The following DENND2A variants were observed in gnomAD, a reference collection of about 807,000 sequenced individuals.
DENND2A encodes the protein DENN domain-containing protein 2A.
Under a neutral mutation model 105.3 loss-of-function variants are expected in DENND2A, and 53 were observed. The ratio of observed to expected loss-of-function variants is 0.50; its 90% confidence interval spans 0.40 to 0.63. The LOEUF (loss-of-function observed/expected upper bound fraction) is 0.63, where lower values mean the gene tolerates loss of function less well. Among genes scored for constraint, DENND2A ranks in the 30% least tolerant of loss-of-function variants. The probability of loss-of-function intolerance (pLI) is 0.00; values close to 1 mark genes in which losing one functional copy is unlikely to be tolerated. For synonymous variants in DENND2A, 522 were observed against 508.4 expected, an observed-to-expected ratio of 1.03 and a Z score of -0.36; for missense variants, 1,138 against 1,279.6, an observed-to-expected ratio of 0.89 and a Z score of 1.69.
chr7:140,580,333 GTATT>G (rs1364255707), intron 5 of DENND2A, among the ~76,000 whole-genome samples: 5 of 152,178 alleles, frequency 3.3e-5, no homozygotes, highest in Admixed American at 2.0e-4. Context: ...ATGTATGTAT[GTATT>G]TATTTATTTT....
chr7:140,640,673 A>T lies in DENND2A; in HGVS notation c.-417T>A, dbSNP rs1156537460. 6.7e-6 allele frequency: 1 copy of T among 148,338 alleles called. No individual in the cohort carries two copies. Among genetic ancestry groups the T allele is most frequent in the Non-Finnish European group, 1.5e-5 (1 of 66,494 alleles). The allele number at this position is 148,338 out of a possible 1,614,324, so 9.2% of individuals were successfully genotyped here. On this transcript the variant is annotated 5_prime_UTR_variant, in exon 1 of 20. It adds an upstream start codon to the 5' untranslated region. Transcript: ENST00000496613. This position sits in a 1 kb window ranked among gnomAD's most constrained non-coding sequence, Gnocchi z 4.9. ...GCCGAGCCTCCCCCGGCCGCCCGCAAGCCCCTGGGGGTCCCCGCCGCGCGC... is the reference window on the plus strand; with the variant it reads ...GCCGAGCCTCCCCCGGCCGCCCGCATGCCCCTGGGGGTCCCCGCCGCGCGC...
At chr7:140,535,950 A>T (rs1796440909) in intron 14 of DENND2A, among the ~76,000 whole-genome samples, 1 of 152,202 alleles carries the variant, frequency 6.6e-6, no homozygotes, top group South Asian at 2.1e-4. Context: ...AGCTGGAAAC[A>T]GGAGCTTTTG....
chr7:140,574,490 A>G (rs1798222773), intron 5 of DENND2A, among the ~76,000 whole-genome samples: 1 of 152,032 alleles, frequency 6.6e-6, no homozygotes, highest in Non-Finnish European at 1.5e-5. Flanking sequence ...AAGTGCTAGG[A>G]TTACAGGCAT....
intron 9 of DENND2A, among the ~76,000 whole-genome samples, chr7:140,562,590 A>G (rs1234505803): frequency 6.6e-6 from 1 of 152,094 alleles, no homozygotes; most frequent in Non-Finnish European, 1.5e-5. Context: ...TGAATCCGGG[A>G]GGCAGAGCTT....
intron 14 of DENND2A, 186 bp downstream of exon 14, chr7:140,544,432 T>A: frequency 1.4e-6 from 1 of 716,766 alleles, no homozygotes; most frequent in Admixed American, 2.2e-5. Flanking sequence ...TGGTCTCAAG[T>A]GATCCACCCA....
intron 14 of DENND2A, chr7:140,544,077 A>T (rs938058723): frequency 2.2e-5 from 4 of 181,846 alleles, no homozygotes; most frequent in African/African-American, 9.4e-5. Flanking sequence ...TCTTTAGTAG[A>T]GACTGAGTTT....
intron 1 of DENND2A, among the ~76,000 whole-genome samples, chr7:140,618,093 A>T (rs1172777512): frequency 1.3e-5 from 2 of 152,170 alleles, no homozygotes; most frequent in Non-Finnish European, 2.9e-5. Context: ...GTGTGTAGAA[A>T]GACTCAGTGG....
intron 5 of DENND2A, among the ~76,000 whole-genome samples, chr7:140,575,333 G>A (rs187094215): frequency 1.3e-5 from 2 of 152,284 alleles, no homozygotes; most frequent in Non-Finnish European, 2.9e-5. Flanking sequence ...GTTGGTGAAA[G>A]TGAGGGAGAA....
At chr7:140,557,522 TATATATA>T (rs1445922309) in intron 11 of DENND2A, among the ~76,000 whole-genome samples, 334 of 30,030 alleles carry the variant, frequency 0.011, 4 homozygotes, top group Non-Finnish European at 0.019. Flanking sequence ...TATATATATA[TATATATA>T]TATTTTTTTT....
rs754184875 is a variant in DENND2A at position 140,527,906 on chromosome 7, C to G, written c.2328-411G>C. The stretch of plus-strand genomic sequence containing the variant: ...CTGGGGTGCAGTGGCGTGATTTGGG[C>G]TTACTGCAACCTCTGCCTCCCAGGT... On this transcript the variant is annotated intron_variant, in intron 14 of 19. Coordinates refer to ENST00000496613, the MANE Select transcript of DENND2A (RefSeq NM_015689.5). This position sits in a 1 kb window ranked among gnomAD's most constrained non-coding sequence, Gnocchi z 4.9. Among the ~76,000 whole-genome samples the G allele has an allele frequency of 1.3e-5, 2 of 152,064 alleles. No homozygotes were observed. Among genetic ancestry groups the G allele is most frequent in the African/African-American group, 2.4e-5 (1 of 41,402 alleles).
intron 14 of DENND2A, among the ~76,000 whole-genome samples, chr7:140,534,698 C>A (rs926547336): frequency 1.3e-5 from 2 of 152,134 alleles, no homozygotes; most frequent in African/African-American, 4.8e-5. Context: ...AGAGGGCTTG[C>A]TGCAGAGTGT....
intron 3 of DENND2A, 33 bp from the exon 4 acceptor site, chr7:140,587,813 G>A (rs1476260264): frequency 1.3e-6 from 2 of 1,516,322 alleles, no homozygotes; most frequent in East Asian, 2.4e-5. Context: ...AAAAAACAAA[G>A]AATTTGAATC....
intron 1 of DENND2A, among the ~76,000 whole-genome samples, chr7:140,625,551 G>A (rs1186246281): frequency 2.6e-5 from 4 of 152,198 alleles, no homozygotes; most frequent in Middle Eastern, 3.4e-3. Flanking sequence ...ACCTGGTGGC[G>A]TGTGCCTGTA....
intron 14 of DENND2A, among the ~76,000 whole-genome samples, chr7:140,529,757 C>G (rs1210472967): frequency 1.3e-5 from 2 of 149,690 alleles, no homozygotes; most frequent in African/African-American, 5.0e-5. Context: ...AACACTTGGA[C>G]ACAGGAAGGG....
At chr7:140,554,086 T>C (rs1320296715) in intron 12 of DENND2A, among the ~76,000 whole-genome samples, 1 of 151,222 alleles carries the variant, frequency 6.6e-6, no homozygotes, top group Non-Finnish European at 1.5e-5. Flanking sequence ...ATTAGCCGGG[T>C]GTGGTGGCAT....
At chr7:140,540,660 AG>A (rs1397605275) in intron 14 of DENND2A, among the ~76,000 whole-genome samples, 2 of 151,804 alleles carry the variant, frequency 1.3e-5, no homozygotes, top group Admixed American at 1.3e-4. Context: ...TCCAGCAAAA[AG>A]GCGGAGGCGT....
intron 9 of DENND2A, among the ~76,000 whole-genome samples, chr7:140,561,024 T>G (rs1030252620): frequency 3.3e-5 from 5 of 151,778 alleles, no homozygotes; most frequent in South Asian, 4.2e-4. Context: ...AAATTTGTGA[T>G]TTTTTTTCTT....
At chr7:140,638,910 T>G (rs1448842725) in intron 1 of DENND2A, among the ~76,000 whole-genome samples, 1 of 152,210 alleles carries the variant, frequency 6.6e-6, no homozygotes, top group African/African-American at 2.4e-5. Context: ...TTTGTTTGAC[T>G]ACCCAGCTAG....
chr7:140,595,194 A>C (rs1371229231), intron 3 of DENND2A, among the ~76,000 whole-genome samples: 10 of 151,402 alleles, frequency 6.6e-5, no homozygotes, highest in African/African-American at 1.9e-4. Context: ...TTTAGTAGAG[A>C]CAGAGTTTCC....
Sources: allele counts gnomAD v4.1 joint callset (sites outside exome capture counted in the v4.1 genomes callset), GRCh38; gene constraint gnomAD v4.1.1; non-coding constraint Gnocchi (gnomAD v3.1); transcripts MANE v1.5; gene names NCBI Gene and HGNC (gene_info 2026-07-23, HGNC 2026-07-21).